The following DHX29 variants were observed in gnomAD, a reference collection of about 807,000 sequenced individuals.
The protein encoded by DHX29 is ATP-dependent RNA helicase DHX29.
Under a neutral mutation model 167.9 loss-of-function variants are expected in DHX29, and 79 were observed. The observed-to-expected ratio is 0.47, with a 90% CI of 0.39 to 0.57. The LOEUF (loss-of-function observed/expected upper bound fraction) is 0.57, where lower values mean the gene tolerates loss of function less well. Ranked by LOEUF, DHX29 falls within the 20% of genes least tolerant of loss-of-function variation. The pLI is 0.00. For synonymous variants in DHX29, 530 were observed against 546.0 expected (o/e 0.97, Z 0.41); for missense variants, 1,347 against 1,593.4 (o/e 0.85, Z 2.63).
At chr5:55,276,436 A>C (rs780698583) in intron 13 of DHX29, 30 bp from the exon 14 acceptor site, 1 of 1,532,328 alleles carries the variant, frequency 6.5e-7, no homozygotes, top group Admixed American at 2.3e-5. Flanking sequence ...TAAATGGGTG[A>C]ATTCAAATTC....
rs200883894 is a variant in DHX29 at position 55,297,417 on chromosome 5, T to A, written c.262-19A>T. The A allele has an allele frequency of 2.0e-5, 19 of 965,980 alleles. 1 individual carries two copies. The East Asian group carries it at 4.6e-4, about 23-fold the overall frequency. 59.8% of individuals were successfully genotyped at this position (965,980 alleles called of 1,614,324 possible). Reference sequence around the variant, plus strand: ...TTACCACCTGTTGAGGCCAAAAAGGTCATATCATTTAGAAGCTAAATTATT... The same window carrying A: ...TTACCACCTGTTGAGGCCAAAAAGGACATATCATTTAGAAGCTAAATTATT... On this transcript the variant is annotated intron_variant, in intron 2 of 26. Transcript: ENST00000251636.
chr5:55,258,001 T>G (rs1746132418), intron 26 of DHX29, among the ~76,000 whole-genome samples: 1 of 152,218 alleles, frequency 6.6e-6, no homozygotes, highest in African/African-American at 2.4e-5. Context: ...GCTTATGCAT[T>G]CATATTTAGT....
chr5:55,284,174 A>G (rs1747594181), intron 10 of DHX29, among the ~76,000 whole-genome samples: 1 of 151,888 alleles, frequency 6.6e-6, no homozygotes, highest in African/African-American at 2.4e-5. Flanking sequence ...TAGTAATTGT[A>G]CCTCCCTTAT....
At chr5:55,274,548 GT>G in intron 16 of DHX29, 65 bp downstream of exon 16, 1 of 1,214,778 alleles carries the variant, frequency 8.2e-7, no homozygotes, top group Non-Finnish European at 1.2e-6. Flanking sequence ...CTGATCAAGG[GT>G]TTTAATGTAC....
chr5:55,261,370 GA>G lies in DHX29; in HGVS notation c.3957del (p.Gln1320ArgfsTer4). On this transcript the variant is annotated frameshift_variant, in exon 25 of 27. Coordinates refer to ENST00000251636, the MANE Select transcript of DHX29 (RefSeq NM_019030.4). LOFTEE classifies it high-confidence loss of function. ...ATAAAATCAGTTGTACTATGTACCTGAAAATAGATCCAGCCATCAATAGAAA... is the reference window on the plus strand; with the variant it reads ...ATAAAATCAGTTGTACTATGTACCTGAAATAGATCCAGCCATCAATAGAAA... ...RLLSIDGWIYFQAPVKIAVIF... is the reference protein window; with the variant it reads ...RLLSIDGWIYXQAPVKIAVIF... 2 of 1,566,782 alleles carry G rather than the reference GA, an allele frequency of 1.3e-6. No individual in the cohort carries two copies. Among genetic ancestry groups the G allele is most frequent in the Non-Finnish European group, 1.7e-6 (2 of 1,144,102 alleles).
rs1244104260 is a variant in DHX29, at chr5:55,261,442, A to G, written c.3886T>C (p.Leu1296=). ...ETTLITPFPV[L]LFGGDIEVQH... is the part of the protein sequence containing the mutation. ...ACTTCTATATCACCACCAAAAAGTAAAACTGGAAAAGGGGTTATTAGGGTA... is the reference window on the plus strand; with the variant it reads ...ACTTCTATATCACCACCAAAAAGTAGAACTGGAAAAGGGGTTATTAGGGTA... The change falls in exon 25 of 27, where the codon TTA becomes CTA. Residue 1296 remains leucine (L), a synonymous_variant. Transcript: ENST00000251636. 6.3e-7 allele frequency: 1 copy of G among 1,575,984 alleles called. No individual in the cohort carries two copies. Among genetic ancestry groups the G allele is most frequent in the Admixed American group, 1.7e-5 (1 of 59,826 alleles).
intron 3 of DHX29, among the ~76,000 whole-genome samples, chr5:55,296,683 T>C (rs550410223): frequency 6.6e-6 from 1 of 152,340 alleles, no homozygotes; most frequent in African/African-American, 2.4e-5. Context: ...GTAGAAACTC[T>C]GCACCATCAC....
intron 23 of DHX29, among the ~76,000 whole-genome samples, chr5:55,266,491 TAG>T (rs529799917): frequency 6.1e-4 from 93 of 151,622 alleles, no homozygotes; most frequent in African/African-American, 2.2e-3. Context: ...GTATTTTTAG[TAG>T]AGACGGGGTT....
chr5:55,296,991 A>G (rs1748359422), intron 3 of DHX29, among the ~76,000 whole-genome samples: 1 of 152,212 alleles, frequency 6.6e-6, no homozygotes, highest in Non-Finnish European at 1.5e-5. Flanking sequence ...CATTTACTTC[A>G]TAGGACTGTT....
chr5:55,270,490 G>A lies in DHX29; in HGVS notation c.2994-3C>T, dbSNP rs1561141772. On this transcript the variant is annotated splice_polypyrimidine_tract_variant and splice_region_variant and intron_variant, in intron 19 of 26. Transcript: ENST00000251636. ...AATAATCCATAAAGCCTTCAAATCTGAAAAATAAAGTAATACTAAATACAT... is the reference window on the plus strand; with the variant it reads ...AATAATCCATAAAGCCTTCAAATCTAAAAAATAAAGTAATACTAAATACAT... The A allele has an allele frequency of 1.9e-6, 3 of 1,612,626 alleles. No homozygotes were observed. Among genetic ancestry groups the A allele is most frequent in the Non-Finnish European group, 2.5e-6 (3 of 1,179,696 alleles).
Position 55,256,636 on chromosome 5 carries a change from A to T in DHX29, c.4058-96T>A, listed in dbSNP as rs1031413412. 5.6e-6 allele frequency: 6 copies of T among 1,070,098 alleles called. No individual in the cohort carries two copies. The African/African-American group carries it at 9.8e-5, about 17-fold the overall frequency. 66.3% of individuals were successfully genotyped at this position (1,070,098 alleles called of 1,614,324 possible). A position where few individuals can be genotyped will look rare whatever the true frequency, so the allele number is the denominator to read the frequency against. Reference sequence around the variant, plus strand: ...AAATAAGAGGTATATGTCACTAAAAATTTTTACATTAGAATACAGAATTAA... The same window carrying T: ...AAATAAGAGGTATATGTCACTAAAATTTTTTACATTAGAATACAGAATTAA... On this transcript the variant is annotated intron_variant, in intron 26 of 26. Transcript: ENST00000251636.
intron 26 of DHX29, among the ~76,000 whole-genome samples, chr5:55,258,768 G>A (rs939166889): frequency 1.3e-5 from 2 of 152,086 alleles, no homozygotes; most frequent in Non-Finnish European, 2.9e-5. Flanking sequence ...ACCGAGGCTA[G>A]TCTTGAACTC....
chr5:55,266,009 CTTTTTTT>C (rs1339324511), intron 23 of DHX29, among the ~76,000 whole-genome samples: 1 of 141,776 alleles, frequency 7.1e-6, no homozygotes, highest in Non-Finnish European at 1.6e-5. Context: ...TTTTCCTTTT[CTTTTTTT>C]TGAGACGGAG....
intron 10 of DHX29, 31 bp from the exon 11 acceptor site, chr5:55,283,842 A>G: frequency 1.3e-6 from 2 of 1,525,032 alleles, no homozygotes; most frequent in Admixed American, 2.2e-5. Flanking sequence ...TGTTATTTTC[A>G]CTAACTATTC....
intron 23 of DHX29, 106 bp from the exon 24 acceptor site, chr5:55,263,038 T>A: frequency 1.2e-6 from 1 of 851,456 alleles, no homozygotes; most frequent in Non-Finnish European, 1.8e-6. Context: ...GACAGGATGC[T>A]AATGATTATT....
rs766054317 is a variant in DHX29 at position 55,267,852 on chromosome 5, T to C, written c.3295-30A>G. ...CCATAAATCATAAATGACAAAACAA[T>C]TTATCATTAAAGAGCAATACAGTGA... On this transcript the variant is annotated intron_variant, in intron 21 of 26. Transcript: ENST00000251636. 8 of 1,563,792 alleles carry C rather than the reference T, an allele frequency of 5.1e-6. No homozygotes were observed. The African/African-American group carries it at 1.1e-4, about 21-fold the overall frequency.
At position 55,307,681 on chromosome 5, in the gene DHX29, G is replaced by A. The variant is rs1252251912; in HGVS notation, c.-108C>T. The A allele has an allele frequency of 2.8e-6, 4 of 1,426,770 alleles. No individual in the cohort carries two copies. In the African/African-American group the frequency reaches 4.3e-5, roughly 15 times the overall value. 88.4% of individuals were successfully genotyped at this position (1,426,770 alleles called of 1,614,324 possible). A position where few individuals can be genotyped will look rare whatever the true frequency, so the allele number is the denominator to read the frequency against. ...CTCCGGGGCTGCCACCCTGCGCTTC[G>A]ATCCGGGCTTCTCGGGCCGGGGCGA... is the stretch of plus-strand genomic sequence containing the variant. On this transcript the variant is annotated 5_prime_UTR_variant, in exon 1 of 27. Coordinates refer to ENST00000251636, the MANE Select transcript of DHX29 (RefSeq NM_019030.4).
At chr5:55,266,664 T>C (rs777644238) in intron 23 of DHX29, among the ~76,000 whole-genome samples, 1 of 152,122 alleles carries the variant, frequency 6.6e-6, no homozygotes, top group Non-Finnish European at 1.5e-5. Flanking sequence ...GGTCTCACTC[T>C]GTACATAGTG....
intron 8 of DHX29, among the ~76,000 whole-genome samples, chr5:55,287,536 A>C (rs1747799964): frequency 6.6e-6 from 1 of 152,226 alleles, no homozygotes; most frequent in African/African-American, 2.4e-5. Context: ...ACTATAATGC[A>C]ATCTGATAAA....
Sources: gnomAD v4.1 joint callset for allele counts (sites outside exome capture counted in the v4.1 genomes callset) on GRCh38, gnomAD v4.1.1 for gene constraint, MANE v1.5 for transcripts, NCBI Gene and HGNC (gene_info 2026-07-23, HGNC 2026-07-21) for gene names.